The following AP3B1 variants were observed in gnomAD, a reference collection of about 807,000 sequenced individuals.
The protein encoded by AP3B1 is adaptor related protein complex 3 subunit beta 1, also known as AP-3 complex subunit beta-1.
AP3B1 carries 61 observed loss-of-function variants against 132.5 expected under a neutral mutation model. The observed-to-expected ratio is 0.46, with a 90% confidence interval of 0.37 to 0.57. The LOEUF (loss-of-function observed/expected upper bound fraction) is 0.57, where lower values mean the gene tolerates loss of function less well. Among genes scored for constraint, AP3B1 ranks in the 20% least tolerant of loss-of-function variants. The pLI is 0.00. For missense variants in AP3B1, 1,120 were observed against 1,289.4 expected (o/e 0.87, Z 2.01); for synonymous variants, 388 against 438.3 (o/e 0.89, Z 1.43).
At chr5:78,253,795 T>C (rs1747737966) in intron 2 of AP3B1, among the ~76,000 whole-genome samples, 1 of 151,492 alleles carries the variant, frequency 6.6e-6, no homozygotes, top group African/African-American at 2.4e-5. Flanking sequence ...TGAAACCCCA[T>C]CTCTACTAAA....
Position 78,069,331 on chromosome 5 carries a change from A to G in AP3B1, c.2577+20062T>C, listed in dbSNP as rs1181849461. Among the ~76,000 whole-genome samples the G allele has an allele frequency of 9.2e-5, 14 of 152,220 alleles. No individual in the cohort carries two copies. The East Asian group carries it at 2.7e-3, about 29-fold the overall frequency. ...CAAACTGCCTCTGTTTGCAGATGACATGATCTTATATCTAGAAAACCCATC... is the reference window on the plus strand; with the variant it reads ...CAAACTGCCTCTGTTTGCAGATGACGTGATCTTATATCTAGAAAACCCATC... On this transcript the variant is annotated intron_variant, in intron 22 of 26. Transcript: ENST00000255194.
chr5:78,208,346 A>T (rs1745597053), intron 7 of AP3B1, among the ~76,000 whole-genome samples: 1 of 152,162 alleles, frequency 6.6e-6, no homozygotes, highest in African/African-American at 2.4e-5. Context: ...CTAGTTAGGT[A>T]GCTCCATAAA....
intron 26 of AP3B1, among the ~76,000 whole-genome samples, chr5:78,012,797 C>T (rs1316202830): frequency 6.6e-6 from 1 of 152,148 alleles, no homozygotes; most frequent in East Asian, 1.9e-4. Flanking sequence ...ACTCCAAAGT[C>T]AAATATAAAT....
chr5:78,039,298 A>G, intron 22 of AP3B1, 24 bp from the exon 23 acceptor site: 1 of 1,542,580 alleles, frequency 6.5e-7, no homozygotes, highest in Non-Finnish European at 9.0e-7. Context: ...CAAAAAGAAA[A>G]AAAGATGAGT....
rs373956502 is a variant in AP3B1 at position 78,114,727 on chromosome 5, C to T, written c.2078-804G>A. ...GAAGCCCTCTTAGGCAGGAACATAA[C>T]CTTTAATTAAACATTCTAATGGTTA... On this transcript the variant is annotated intron_variant, in intron 18 of 26. Coordinates refer to ENST00000255194, the MANE Select transcript of AP3B1 (RefSeq NM_003664.5). Among the ~76,000 whole-genome samples, 7 of 152,284 alleles carry T rather than the reference C, an allele frequency of 4.6e-5. No homozygotes were observed. In the South Asian group the frequency reaches 8.3e-4, roughly 18 times the overall value.
intron 1 of AP3B1, among the ~76,000 whole-genome samples, chr5:78,276,128 T>C (rs1233494655): frequency 1.3e-5 from 2 of 151,974 alleles, no homozygotes; most frequent in East Asian, 1.9e-4. Flanking sequence ...TGCAGTAGTA[T>C]GATCACAGCT....
At chr5:78,086,663 G>A (rs772195762) in intron 22 of AP3B1, among the ~76,000 whole-genome samples, 4 of 152,134 alleles carry the variant, frequency 2.6e-5, no homozygotes, top group Non-Finnish European at 2.9e-5. Context: ...CTAGATGTTC[G>A]TAGTAATGAA....
At chr5:78,091,277 C>CAAAA (rs748473899) in intron 21 of AP3B1, among the ~76,000 whole-genome samples, 2 of 79,508 alleles carry the variant, frequency 2.5e-5, no homozygotes, top group African/African-American at 5.2e-5. Context: ...ATGTATTTGA[C>CAAAA]AAAAAAAAAA....
intron 7 of AP3B1, among the ~76,000 whole-genome samples, chr5:78,197,413 T>C (rs1745119391): frequency 6.6e-6 from 1 of 152,192 alleles, no homozygotes; most frequent in African/African-American, 2.4e-5. Context: ...AAGTATATTT[T>C]GGAAAAGGCA....
At chr5:78,161,663 C>A (rs1480196906) in intron 13 of AP3B1, among the ~76,000 whole-genome samples, 1 of 151,876 alleles carries the variant, frequency 6.6e-6, no homozygotes, top group African/African-American at 2.4e-5. Context: ...AAATTTTAAA[C>A]CTATCGTCTT....
Position 78,202,558 on chromosome 5 carries a change from T to TGTGA in AP3B1, c.786+13496_786+13497insTCAC, listed in dbSNP as rs1297515554. Among the ~76,000 whole-genome samples the TGTGA allele has an allele frequency of 1.1e-3, 71 of 65,542 alleles. 1 individual carries two copies. The highest frequency in any genetic ancestry group is 3.6e-3 in the African/African-American group (61 of 16,832). 43.0% of individuals were successfully genotyped at this position (65,542 alleles called of 152,430 possible). On this transcript the variant is annotated intron_variant, in intron 7 of 26. Transcript: ENST00000255194. The stretch of plus-strand genomic sequence containing the variant: ...AAACATATGCCATATATTCAGTGTG[T>TGTGA]GTGTGTGTGTGTGTGTGTGTGTGTG...
chr5:78,018,055 G>A (rs2112059581), intron 25 of AP3B1, among the ~76,000 whole-genome samples: 1 of 151,938 alleles, frequency 6.6e-6, no homozygotes, highest in East Asian at 1.9e-4. Flanking sequence ...TTCACAAGAA[G>A]AAAATGAATA....
intron 2 of AP3B1, among the ~76,000 whole-genome samples, chr5:78,259,935 A>G (rs1748012966): frequency 6.6e-6 from 1 of 152,056 alleles, no homozygotes; most frequent in South Asian, 2.1e-4. Context: ...GTGCCATTGC[A>G]CTCCAGCCTG....
At chr5:78,224,804 A>C (rs1231162808) in intron 6 of AP3B1, among the ~76,000 whole-genome samples, 8 of 152,112 alleles carry the variant, frequency 5.3e-5, no homozygotes, top group Non-Finnish European at 1.2e-4. Flanking sequence ...AAAAAATTAT[A>C]AACATACATG....
chr5:78,225,041 G>A (rs1746347579), intron 6 of AP3B1, among the ~76,000 whole-genome samples: 1 of 152,034 alleles, frequency 6.6e-6, no homozygotes, highest in Admixed American at 6.6e-5. Flanking sequence ...TAGATCAAAT[G>A]CTAAGCCATA....
In AP3B1 at chr5:78,002,856, G is replaced by A. The variant is rs1206790418; in HGVS notation, c.*46C>T. On this transcript the variant is annotated 3_prime_UTR_variant, in exon 27 of 27. Coordinates refer to ENST00000255194, the MANE Select transcript of AP3B1 (RefSeq NM_003664.5). ...TGAAAGGCAGCAGTAGTGGATGCCA[G>A]GCACTTTTGTTGTGTGCCAGATTCT... 1 of 1,611,702 alleles carries A rather than the reference G, an allele frequency of 6.2e-7. No individual in the cohort carries two copies. Among genetic ancestry groups the A allele is most frequent in the Non-Finnish European group, 8.5e-7 (1 of 1,177,888 alleles).
At chr5:78,098,370 TTA>T (rs1259403654) in intron 21 of AP3B1, among the ~76,000 whole-genome samples, 4 of 151,934 alleles carry the variant, frequency 2.6e-5, no homozygotes, top group South Asian at 2.1e-4. Context: ...ACTATAACAA[TTA>T]TGTCATTTTA....
chr5:78,057,657 G>C (rs891300697), intron 22 of AP3B1, among the ~76,000 whole-genome samples: 26 of 151,138 alleles, frequency 1.7e-4, no homozygotes, highest in African/African-American at 6.1e-4. Flanking sequence ...CTTGCACACA[G>C]AACTCACTTG....
intron 7 of AP3B1, among the ~76,000 whole-genome samples, chr5:78,201,465 A>T (rs1160167092): frequency 6.6e-6 from 1 of 152,218 alleles, no homozygotes; most frequent in Non-Finnish European, 1.5e-5. Context: ...TCAGCAAAAT[A>T]ACACTGAAAA....
Sources: allele counts gnomAD v4.1 joint callset (sites outside exome capture counted in the v4.1 genomes callset), GRCh38; gene constraint gnomAD v4.1.1; transcripts MANE v1.5; gene names NCBI Gene and HGNC (gene_info 2026-07-23, HGNC 2026-07-21).